Variants in LYPLA1 observed in about 807,000 individuals in gnomAD.
LYPLA1 encodes the protein lysophospholipase 1.
LYPLA1 carries 17 observed loss-of-function variants against 34.0 expected under a neutral mutation model. That is an observed-to-expected ratio of 0.50 (90% CI 0.34 to 0.75). LYPLA1 has a LOEUF of 0.75. Among genes scored for constraint, LYPLA1 ranks in the 30% least tolerant of loss-of-function variants. The pLI, the probability that LYPLA1 is intolerant of heterozygous loss-of-function variation, is 0.01. For synonymous variants in LYPLA1, 98 were observed against 100.8 expected, an observed-to-expected ratio of 0.97 and a Z score of 0.17; for missense variants, 203 against 288.8, an observed-to-expected ratio of 0.70 and a Z score of 2.15.
At chr8:54,084,135 T>G (rs139427657) in intron 2 of LYPLA1, among the ~76,000 whole-genome samples, 1 of 109,810 alleles carries the variant, frequency 9.1e-6, no homozygotes, top group African/African-American at 4.9e-5. Context: ...AAAAAAAAAA[T>G]AAATAAATAT....
At chr8:54,085,268 G>A (rs1351875305) in intron 2 of LYPLA1, among the ~76,000 whole-genome samples, 2 of 152,150 alleles carry the variant, frequency 1.3e-5, no homozygotes, top group South Asian at 2.1e-4. Flanking sequence ...GATTGCAGAC[G>A]GAGTCTCGCT....
chr8:54,093,199 C>A (rs1809439204), intron 2 of LYPLA1, among the ~76,000 whole-genome samples: 2 of 152,154 alleles, frequency 1.3e-5, no homozygotes, highest in South Asian at 4.1e-4. Flanking sequence ...GACCATAAGA[C>A]CAGGGAAAGG....
At chr8:54,074,219 A>G (rs903426209) in intron 2 of LYPLA1, among the ~76,000 whole-genome samples, 2 of 152,222 alleles carry the variant, frequency 1.3e-5, no homozygotes, top group Non-Finnish European at 2.9e-5. Context: ...GCTTGCAGTG[A>G]GCCGAGATCG....
chr8:54,063,506 G>T, intron 3 of LYPLA1, 131 bp from the exon 4 acceptor site: 1 of 669,890 alleles, frequency 1.5e-6, no homozygotes, highest in Non-Finnish European at 2.6e-6. Context: ...CATATGAACT[G>T]TTTTATTTCA....
At chr8:54,091,500 AAAG>A (rs777236586) in intron 2 of LYPLA1, among the ~76,000 whole-genome samples, 102 of 151,662 alleles carry the variant, frequency 6.7e-4, no homozygotes, top group Admixed American at 4.4e-3. Flanking sequence ...AAAGAAAAGA[AAAG>A]AAAAGGAAAG....
At chr8:54,091,313 C>T (rs565331910) in intron 2 of LYPLA1, among the ~76,000 whole-genome samples, 27 of 151,986 alleles carry the variant, frequency 1.8e-4, no homozygotes, top group African/African-American at 6.5e-4. Flanking sequence ...CACGGTGAAA[C>T]CCTGTTTCTA....
In LYPLA1 at chr8:54,053,840, A is replaced by C. The variant is rs574173303; in HGVS notation, c.361-1084T>G. Reference sequence around the variant, plus strand: ...TAGCTACTTCCTGAGGCCTTGCCTCATTTTCCTCCTCAGTTTCCTTGATAG... The same window carrying C: ...TAGCTACTTCCTGAGGCCTTGCCTCCTTTTCCTCCTCAGTTTCCTTGATAG... On this transcript the variant is annotated intron_variant, in intron 6 of 8. Coordinates refer to ENST00000316963, the MANE Select transcript of LYPLA1 (RefSeq NM_006330.4). Among the ~76,000 whole-genome samples, 23 of 152,268 alleles carry C rather than the reference A, an allele frequency of 1.5e-4. 2 individuals carry two copies. Among genetic ancestry groups the C allele is most frequent in the Middle Eastern group, 6.8e-3 (2 of 294 alleles).
Position 54,062,163 on chromosome 8 carries a change from G to A in LYPLA1, c.286+91C>T, listed in dbSNP as rs549707262. The A allele has an allele frequency of 4.3e-6, 4 of 933,846 alleles. No homozygotes were observed. In the South Asian group the frequency reaches 4.4e-5, roughly 10 times the overall value. The allele number at this position is 933,846 out of a possible 1,614,324, so 57.8% of individuals were successfully genotyped here. A position where few individuals can be genotyped will look rare whatever the true frequency, so the allele number is the denominator to read the frequency against. ...GTGAGCCACCGTGCCCGGCCCAAATGTGTAATTTTTAACCAGTAGCGATAT... is the reference window on the plus strand; with the variant it reads ...GTGAGCCACCGTGCCCGGCCCAAATATGTAATTTTTAACCAGTAGCGATAT... On this transcript the variant is annotated intron_variant, in intron 5 of 8. Transcript: ENST00000316963.
intron 2 of LYPLA1, among the ~76,000 whole-genome samples, chr8:54,070,307 C>T (rs1044739816): frequency 2.6e-5 from 4 of 152,056 alleles, no homozygotes; most frequent in Admixed American, 2.6e-4. Context: ...AAGAGTGAAA[C>T]TCCATCTCAA....
intron 2 of LYPLA1, among the ~76,000 whole-genome samples, chr8:54,088,062 T>C (rs1808938697): frequency 6.6e-6 from 1 of 152,136 alleles, no homozygotes; most frequent in Admixed American, 6.6e-5. Context: ...AGTTAACTTG[T>C]GGAATGCTGA....
intron 2 of LYPLA1, among the ~76,000 whole-genome samples, chr8:54,067,604 C>T (rs1355594098): frequency 6.6e-6 from 1 of 151,846 alleles, no homozygotes; most frequent in Admixed American, 6.6e-5. Flanking sequence ...TGGCCATATA[C>T]TTGATGCTTT....
chr8:54,065,692 C>G (rs1807011247), intron 3 of LYPLA1, 56 bp downstream of exon 3: 1 of 1,334,562 alleles, frequency 7.5e-7, no homozygotes, highest in African/African-American at 1.4e-5. Context: ...GTAAAGCAAT[C>G]ACAATTGCTC....
intron 2 of LYPLA1, among the ~76,000 whole-genome samples, chr8:54,092,334 GAGAGAAGGAGGA>G (rs1442262565): frequency 6.6e-6 from 1 of 151,412 alleles, no homozygotes; most frequent in African/African-American, 2.4e-5. Flanking sequence ...AGGAGACAGA[GAGAGAAGGAGGA>G]AGAGGAGGAG....
intron 1 of LYPLA1, 151 bp from the exon 2 acceptor site, chr8:54,101,090 T>A: frequency 1.7e-6 from 1 of 593,652 alleles, no homozygotes; most frequent in South Asian, 2.0e-5. Context: ...TATCGACCTC[T>A]TTTAAATGGC....
chr8:54,054,898 T>G (rs1806102343), intron 6 of LYPLA1, 162 bp downstream of exon 6: 15 of 583,934 alleles, frequency 2.6e-5, no homozygotes, highest in Non-Finnish European at 4.0e-5. Context: ...AAGAAGAAAT[T>G]AATTAGTTCC....
intron 6 of LYPLA1, chr8:54,053,477 G>A (rs954675201): frequency 1.0e-5 from 4 of 392,978 alleles, no homozygotes; most frequent in Admixed American, 3.1e-5. Flanking sequence ...TGCCTACCCA[G>A]CTCACAACAT....
At position 54,065,814 on chromosome 8, in the gene LYPLA1, C is replaced by G. The variant is rs758153856; in HGVS notation, c.102-1G>C. On this transcript the variant is annotated splice_acceptor_variant, in intron 2 of 8. Transcript: ENST00000316963. LOFTEE classifies it high-confidence loss of function. ...TGCAAAGGCTTCTGCCCATCCGTGC[C>G]TGGTGGAAAAATCATTGAATAATGC... is the stretch of plus-strand genomic sequence containing the variant. 6 of 1,611,938 alleles carry G rather than the reference C, an allele frequency of 3.7e-6. No individual in the cohort carries two copies. The highest frequency in any genetic ancestry group is 5.1e-6 in the Non-Finnish European group (6 of 1,178,188).
chr8:54,061,451 G>A (rs576165956), intron 5 of LYPLA1, among the ~76,000 whole-genome samples: 48 of 152,234 alleles, frequency 3.2e-4, no homozygotes, highest in African/African-American at 1.2e-3. Flanking sequence ...ATTATTATAC[G>A]TCTGACAGAG....
intron 4 of LYPLA1, among the ~76,000 whole-genome samples, 199 bp from the exon 5 acceptor site, chr8:54,062,523 A>ATTTATTTAT (rs1806732122): frequency 6.7e-6 from 1 of 150,358 alleles, no homozygotes. Flanking sequence ...TTATTTATTT[A>ATTTATTTAT]TTTTTTGAGA....
Sources: gnomAD v4.1 joint callset for allele counts (sites outside exome capture counted in the v4.1 genomes callset) on GRCh38, gnomAD v4.1.1 for gene constraint, MANE v1.5 for transcripts, NCBI Gene and HGNC (gene_info 2026-07-23, HGNC 2026-07-21) for gene names.